Variants in IMMP2L observed in about 807,000 individuals in gnomAD.
IMMP2L encodes the protein inner mitochondrial membrane peptidase subunit 2, also known as mitochondrial inner membrane protease subunit 2.
Under a neutral mutation model 19.3 loss-of-function variants are expected in IMMP2L, and 18 were observed. The ratio of observed to expected loss-of-function variants is 0.93; its 90% CI spans 0.64 to 1.38. The LOEUF is 1.38. Among genes scored for constraint, IMMP2L ranks in the 40% most tolerant of loss-of-function variants. The pLI is 0.00. For missense variants in IMMP2L, 233 were observed against 218.2 expected, an observed-to-expected ratio of 1.07 and a Z score of -0.43; for synonymous variants, 76 against 73.0, an observed-to-expected ratio of 1.04 and a Z score of -0.21.
intron 5 of IMMP2L, among the ~76,000 whole-genome samples, chr7:110,860,428 T>C (rs1383257593): frequency 1.3e-5 from 2 of 152,076 alleles, no homozygotes; most frequent in Non-Finnish European, 2.9e-5. Context: ...TAATACCTTT[T>C]ATTGACCAAT....
intron 3 of IMMP2L, among the ~76,000 whole-genome samples, chr7:111,097,584 G>GA (rs140380963): frequency 4.7e-5 from 7 of 149,456 alleles, no homozygotes; most frequent in African/African-American, 9.8e-5. Context: ...CTTTCTTAAG[G>GA]AAAAAAAACA....
At chr7:110,917,170 C>G (rs1466186517) in intron 4 of IMMP2L, among the ~76,000 whole-genome samples, 2 of 152,104 alleles carry the variant, frequency 1.3e-5, no homozygotes, top group African/African-American at 4.8e-5. Context: ...GATACATCCT[C>G]AAGCTCAAGA....
At chr7:111,193,067 T>C (rs375495810) in intron 3 of IMMP2L, among the ~76,000 whole-genome samples, 2 of 152,076 alleles carry the variant, frequency 1.3e-5, no homozygotes, top group East Asian at 1.9e-4. Context: ...AATGGAGATA[T>C]TGAGTAAAAG....
intron 4 of IMMP2L, among the ~76,000 whole-genome samples, chr7:110,939,922 A>T (rs1334696245): frequency 1.3e-5 from 2 of 152,178 alleles, no homozygotes; most frequent in East Asian, 3.8e-4. Flanking sequence ...TTATATACTC[A>T]TGTGGGCAAA....
At chr7:111,329,040 C>A (rs1401522152) in intron 3 of IMMP2L, among the ~76,000 whole-genome samples, 1 of 151,700 alleles carries the variant, frequency 6.6e-6, no homozygotes, top group Non-Finnish European at 1.5e-5. Context: ...TCTCATAAAG[C>A]CTACAATAAT....
intron 5 of IMMP2L, among the ~76,000 whole-genome samples, chr7:110,762,543 C>T (rs1005554104): frequency 2.6e-5 from 4 of 152,130 alleles, no homozygotes; most frequent in Admixed American, 1.3e-4. Flanking sequence ...ACCTTTGCTT[C>T]AAAATCTTGT....
intron 3 of IMMP2L, among the ~76,000 whole-genome samples, chr7:111,479,719 T>A (rs1842018860): frequency 6.6e-6 from 1 of 152,128 alleles, no homozygotes; most frequent in African/African-American, 2.4e-5. Flanking sequence ...TTTTTAAATA[T>A]AAGAAACAGC....
chr7:110,836,150 G>C (rs11487097), intron 5 of IMMP2L, among the ~76,000 whole-genome samples: 61,285 of 151,932 alleles, frequency 0.4, 12,624 homozygotes, highest in African/African-American at 0.46. Context: ...ATCTCTGTAA[G>C]AGCAATTCAG....
intron 5 of IMMP2L, among the ~76,000 whole-genome samples, chr7:110,864,866 C>T (rs983965772): frequency 6.6e-6 from 1 of 151,986 alleles, no homozygotes; most frequent in Non-Finnish European, 1.5e-5. Context: ...TCCATTCTAA[C>T]AAGTCTTTTC....
At chr7:110,818,104 T>C (rs867859997) in intron 5 of IMMP2L, among the ~76,000 whole-genome samples, 22 of 149,496 alleles carry the variant, frequency 1.5e-4, no homozygotes, top group African/African-American at 3.4e-4. Flanking sequence ...AAAGCCAAAA[T>C]TGACAAATGG....
intron 3 of IMMP2L, among the ~76,000 whole-genome samples, chr7:111,305,182 T>C (rs1234006522): frequency 6.6e-6 from 1 of 151,700 alleles, no homozygotes; most frequent in Non-Finnish European, 1.5e-5. Flanking sequence ...GAAAAAAAAA[T>C]CCAAGAAGAG....
chr7:111,111,895 T>C (rs1194676492), intron 3 of IMMP2L, among the ~76,000 whole-genome samples: 3 of 148,478 alleles, frequency 2.0e-5, no homozygotes, highest in South Asian at 2.1e-4. Context: ...AAAAAGGAAA[T>C]GCAAAACTTT....
intron 3 of IMMP2L, among the ~76,000 whole-genome samples, chr7:111,373,120 GA>G (rs907480273): frequency 6.2e-4 from 85 of 137,558 alleles, no homozygotes; most frequent in South Asian, 1.2e-3. Flanking sequence ...ATTAAGTGGT[GA>G]AAAAAAAAAA....
At chr7:110,950,660 G>T (rs1396403290) in intron 4 of IMMP2L, among the ~76,000 whole-genome samples, 3 of 151,456 alleles carry the variant, frequency 2.0e-5, no homozygotes, top group African/African-American at 7.3e-5. Context: ...CAATAGCCAA[G>T]ATATAGAATC....
chr7:111,366,830 T>C (rs1829810277), intron 3 of IMMP2L, among the ~76,000 whole-genome samples: 1 of 151,914 alleles, frequency 6.6e-6, no homozygotes, highest in African/African-American at 2.4e-5. Flanking sequence ...TCTGTATATA[T>C]GTATACACAC....
intron 3 of IMMP2L, among the ~76,000 whole-genome samples, chr7:111,208,248 A>C (rs945349942): frequency 6.6e-6 from 1 of 152,194 alleles, no homozygotes; most frequent in Non-Finnish European, 1.5e-5. Flanking sequence ...ATCATTCAAA[A>C]AAGAACAACA....
At chr7:111,484,249 T>C (rs949401630) in intron 3 of IMMP2L, among the ~76,000 whole-genome samples, 3 of 152,218 alleles carry the variant, frequency 2.0e-5, no homozygotes, top group East Asian at 1.9e-4. Flanking sequence ...TTATTGACAT[T>C]GTTATTGTTT....
intron 3 of IMMP2L, among the ~76,000 whole-genome samples, chr7:111,270,638 A>T (rs375776655): frequency 1.5e-4 from 23 of 152,242 alleles, no homozygotes; most frequent in African/African-American, 5.5e-4. Context: ...ATAGCATCCT[A>T]CCCTTTGGAA....
At chr7:111,121,314 C>T (rs1013069570) in intron 3 of IMMP2L, among the ~76,000 whole-genome samples, 4 of 152,136 alleles carry the variant, frequency 2.6e-5, no homozygotes, top group African/African-American at 9.6e-5. Flanking sequence ...GTTGCCTGTT[C>T]GCTCTGATGG....
Sources: gnomAD v4.1 joint callset for allele counts (sites outside exome capture counted in the v4.1 genomes callset) on GRCh38, gnomAD v4.1.1 for gene constraint, MANE v1.5 for transcripts, NCBI Gene and HGNC (gene_info 2026-07-23, HGNC 2026-07-21) for gene names.